APOLD1: variants seen among roughly 807,000 people sequenced by gnomAD.
APOLD1 encodes the protein apolipoprotein L domain-containing protein 1.
A neutral mutation model predicts 15.3 loss-of-function variants in APOLD1; 22 were observed. The ratio of observed to expected loss-of-function variants is 1.44; its 90% CI spans 1.03 to 2.05. The LOEUF (loss-of-function observed/expected upper bound fraction) is 2.05, where lower values mean the gene tolerates loss of function less well. Ranked by LOEUF, APOLD1 falls within the 30% of genes most tolerant of loss-of-function variation. The pLI is 0.00. For synonymous variants in APOLD1, 190 were observed against 167.4 expected, an observed-to-expected ratio of 1.13 and a Z score of -1.04; for missense variants, 394 against 353.5, an observed-to-expected ratio of 1.11 and a Z score of -0.92.
chr12:12,729,656 A>G (rs2136366285), intron 1 of APOLD1, among the ~76,000 whole-genome samples: 1 of 152,214 alleles, frequency 6.6e-6, no homozygotes, highest in East Asian at 1.9e-4. Context: ...GCTATTCTGG[A>G]GGCTGAGGCA....
chr12:12,742,275 G>T (rs891472690), intron 1 of APOLD1, among the ~76,000 whole-genome samples: 2 of 152,202 alleles, frequency 1.3e-5, no homozygotes, highest in Admixed American at 6.5e-5. Flanking sequence ...ACTTTTTATG[G>T]CAGGTTGCAA....
At chr12:12,759,518 G>C (rs1219937643) in intron 1 of APOLD1, among the ~76,000 whole-genome samples, 1 of 152,196 alleles carries the variant, frequency 6.6e-6, no homozygotes, top group Admixed American at 6.5e-5. Context: ...AATAAGGAAT[G>C]GGATAATTCA....
At chr12:12,766,663 A>T (rs1051375425) in intron 1 of APOLD1, among the ~76,000 whole-genome samples, 1 of 152,170 alleles carries the variant, frequency 6.6e-6, no homozygotes, top group Non-Finnish European at 1.5e-5. Flanking sequence ...AGCCTGGCCA[A>T]CATGGCGAAA....
intron 1 of APOLD1, among the ~76,000 whole-genome samples, chr12:12,760,009 TAAGAC>T (rs1277747165): frequency 1.3e-5 from 2 of 152,166 alleles, no homozygotes; most frequent in African/African-American, 4.8e-5. Flanking sequence ...TGAAAAAAAT[TAAGAC>T]AAGCAACTGA....
intron 1 of APOLD1, among the ~76,000 whole-genome samples, chr12:12,757,700 T>C (rs181190511): frequency 1.1e-3 from 165 of 152,014 alleles, no homozygotes; most frequent in African/African-American, 3.9e-3. Context: ...TATTGAGAGG[T>C]AATTCACGTA....
At chr12:12,731,756 G>A (rs1226689627) in intron 1 of APOLD1, among the ~76,000 whole-genome samples, 4 of 152,166 alleles carry the variant, frequency 2.6e-5, no homozygotes, top group African/African-American at 4.8e-5. Context: ...TACAAAGACG[G>A]CCATTATTCT....
intron 1 of APOLD1, among the ~76,000 whole-genome samples, chr12:12,748,190 T>G (rs1299978263): frequency 2.0e-5 from 3 of 152,222 alleles, no homozygotes; most frequent in Non-Finnish European, 2.9e-5. Context: ...ATCTGCTGTT[T>G]TTAAACCATG....
At chr12:12,768,223 T>C (rs528703076) in intron 1 of APOLD1, among the ~76,000 whole-genome samples, 4 of 152,302 alleles carry the variant, frequency 2.6e-5, no homozygotes, top group African/African-American at 9.6e-5. Context: ...GATAACTAGA[T>C]GTAAAAAATA....
intron 1 of APOLD1, chr12:12,771,438 T>C (rs1237302870): frequency 4.5e-6 from 2 of 445,200 alleles, no homozygotes; most frequent in Non-Finnish European, 8.7e-6. Flanking sequence ...TGACTTTCTG[T>C]CCACCATGTT....
At chr12:12,780,379 T>C (rs186350471) in intron 1 of APOLD1, among the ~76,000 whole-genome samples, 1 of 151,206 alleles carries the variant, frequency 6.6e-6, no homozygotes, top group Non-Finnish European at 1.5e-5. Context: ...AAGTACCAAG[T>C]AGCTGGGACT....
At chr12:12,753,337 G>C (rs1462762891) in intron 1 of APOLD1, among the ~76,000 whole-genome samples, 1 of 152,140 alleles carries the variant, frequency 6.6e-6, no homozygotes, top group East Asian at 1.9e-4. Context: ...GAATAAATTA[G>C]ATATTGTGGA....
intron 1 of APOLD1, among the ~76,000 whole-genome samples, chr12:12,774,519 C>A (rs1443880351): frequency 8.0e-6 from 1 of 124,884 alleles, no homozygotes; most frequent in Admixed American, 9.8e-5. Context: ...GCACTCTGGC[C>A]TGGGTGACAC....
At position 12,727,760 on chromosome 12, in the gene APOLD1, C is replaced by CT. The variant is rs34995291; in HGVS notation, c.96+1682dup. 7.5e-3 allele frequency among the ~76,000 whole-genome samples: 1,039 copies of CT among 137,942 alleles called. 12 individuals carry two copies. The highest frequency in any genetic ancestry group is 0.024 in the African/African-American group (892 of 36,930). The allele number at this position is 137,942 out of a possible 152,430, so 90.5% of individuals were successfully genotyped here. Reference sequence around the variant, plus strand: ...TGCAATTACATGTGTGCTCTGAAACCTTTTTTTTTTTTTTTTTTAACTTTG... The same window carrying CT: ...TGCAATTACATGTGTGCTCTGAAACCTTTTTTTTTTTTTTTTTTTAACTTTG... On this transcript the variant is annotated intron_variant, in intron 1 of 1. Transcript: ENST00000326765.
Position 12,789,034 on chromosome 12 carries a change from C to T in APOLD1, c.*1382C>T, listed in dbSNP as rs1947159532. 1 of 152,098 alleles carries T rather than the reference C, an allele frequency of 6.6e-6. No individual in the cohort carries two copies. The allele number at this position is 152,098 out of a possible 1,614,324, so 9.4% of individuals were successfully genotyped here. A position where few individuals can be genotyped will look rare whatever the true frequency, so the allele number is the denominator to read the frequency against. Reference sequence around the variant, plus strand: ...TGGTACAGAAAGGAATATGAAGTTCCTGAAACTGACCTTTGTCTATTATTA... The same window carrying T: ...TGGTACAGAAAGGAATATGAAGTTCTTGAAACTGACCTTTGTCTATTATTA... On this transcript the variant is annotated 3_prime_UTR_variant, in exon 2 of 2. Transcript: ENST00000356591.
chr12:12,732,469 A>G (rs1424452594), intron 1 of APOLD1, among the ~76,000 whole-genome samples: 2 of 152,228 alleles, frequency 1.3e-5, no homozygotes, highest in African/African-American at 4.8e-5. Context: ...TTACACCTGT[A>G]ATCCCAGGAC....
rs142911569 is a variant in APOLD1 at position 12,746,522 on chromosome 12, A to C, written c.96+20426A>C. Among the ~76,000 whole-genome samples, 20 of 144,158 alleles carry C rather than the reference A, an allele frequency of 1.4e-4. No individual in the cohort carries two copies. The South Asian group carries it at 2.9e-3, about 21-fold the overall frequency. The allele number at this position is 144,158 out of a possible 152,430, so 94.6% of individuals were successfully genotyped here. On this transcript the variant is annotated intron_variant, in intron 1 of 1. Transcript: ENST00000326765. ...AAATAAATAAATAAATAAATACATAAATACATACATACATATTGCTCCAAA... is the reference window on the plus strand; with the variant it reads ...AAATAAATAAATAAATAAATACATACATACATACATACATATTGCTCCAAA...
intron 1 of APOLD1, among the ~76,000 whole-genome samples, chr12:12,753,673 A>C (rs1355220824): frequency 6.6e-6 from 1 of 152,078 alleles, no homozygotes; most frequent in African/African-American, 2.4e-5. Context: ...ACCCTGCCTC[A>C]AAAAAGTTCC....
chr12:12,728,641 C>T (rs1332926217), intron 1 of APOLD1, among the ~76,000 whole-genome samples: 4 of 121,500 alleles, frequency 3.3e-5, no homozygotes, highest in African/African-American at 3.3e-5. Flanking sequence ...GCATGCTGGC[C>T]TGGGCAACAG....
chr12:12,768,521 G>C (rs956036426), intron 1 of APOLD1, among the ~76,000 whole-genome samples: 12 of 152,040 alleles, frequency 7.9e-5, no homozygotes, highest in African/African-American at 2.9e-4. Flanking sequence ...CAGGTGTCAT[G>C]CACCTGTGGA....
Sources: allele counts gnomAD v4.1 joint callset (sites outside exome capture counted in the v4.1 genomes callset), GRCh38; gene constraint gnomAD v4.1.1; transcripts MANE v1.5; gene names NCBI Gene and HGNC (gene_info 2026-07-23, HGNC 2026-07-21).